Variants in SCFD2 observed in about 807,000 individuals in gnomAD.
SCFD2 encodes sec1 family domain containing 2, also known as sec1 family domain-containing protein 2.
SCFD2 carries 54 observed loss-of-function variants against 58.9 expected under a neutral mutation model. The observed-to-expected ratio is 0.92, with a 90% CI of 0.74 to 1.15. The LOEUF (loss-of-function observed/expected upper bound fraction) is 1.15. Among genes scored for constraint, SCFD2 ranks in the 50% most tolerant of loss-of-function variants. The pLI is 0.00. For synonymous variants in SCFD2, 321 were observed against 335.9 expected, an observed-to-expected ratio of 0.96 and a Z score of 0.49; for missense variants, 805 against 836.6, an observed-to-expected ratio of 0.96 and a Z score of 0.47.
At chr4:53,230,989 A>G (rs1190151614) in intron 4 of SCFD2, among the ~76,000 whole-genome samples, 1 of 152,050 alleles carries the variant, frequency 6.6e-6, no homozygotes, top group Non-Finnish European at 1.5e-5. Context: ...ACAAATAAAT[A>G]AGTTATAAAA....
intron 2 of SCFD2, among the ~76,000 whole-genome samples, chr4:53,319,168 A>G (rs1251995869): frequency 6.6e-6 from 1 of 152,252 alleles, no homozygotes; most frequent in Non-Finnish European, 1.5e-5. Context: ...CACAAAGGAC[A>G]GGATGGAATG....
At chr4:52,876,096 C>T (rs571263702) in intron 8 of SCFD2, among the ~76,000 whole-genome samples, 54 of 151,818 alleles carry the variant, frequency 3.6e-4, no homozygotes, top group Non-Finnish European at 7.4e-5. Flanking sequence ...GGCTTCCAGG[C>T]GAGTGCCATC....
chr4:53,274,514 G>A (rs1731271063), intron 3 of SCFD2, among the ~76,000 whole-genome samples: 1 of 152,112 alleles, frequency 6.6e-6, no homozygotes, highest in African/African-American at 2.4e-5. Flanking sequence ...GCAGTTACAT[G>A]GAACAAAAAT....
intron 3 of SCFD2, among the ~76,000 whole-genome samples, chr4:53,313,252 G>A (rs915186879): frequency 4.6e-5 from 7 of 152,228 alleles, no homozygotes; most frequent in East Asian, 3.9e-4. Context: ...TCACTAATTC[G>A]AAAGTAATAA....
intron 4 of SCFD2, among the ~76,000 whole-genome samples, chr4:53,188,418 GGTGTGTGTGTGTGTGTGTGTGTGT>G (rs56120914): frequency 7.0e-6 from 1 of 143,458 alleles, no homozygotes; most frequent in African/African-American, 2.6e-5. Flanking sequence ...CTTCAAAACT[GGTGTGTGTGTGTGTGTGTGTGTGT>G]GTGTGTGTGT....
intron 5 of SCFD2, among the ~76,000 whole-genome samples, chr4:53,058,160 ATGT>A (rs1238968261): frequency 6.6e-6 from 1 of 152,172 alleles, no homozygotes; most frequent in Non-Finnish European, 1.5e-5. Flanking sequence ...ATCTTAAATA[ATGT>A]TAAGGCAGAG....
intron 5 of SCFD2, among the ~76,000 whole-genome samples, chr4:52,989,395 T>A (rs1721569993): frequency 1.3e-5 from 2 of 152,194 alleles, no homozygotes; most frequent in South Asian, 4.1e-4. Flanking sequence ...ATAACTTCAG[T>A]TTTGTCTCTA....
intron 5 of SCFD2, among the ~76,000 whole-genome samples, chr4:53,052,377 G>A (rs547012662): frequency 2.0e-5 from 3 of 152,260 alleles, no homozygotes; most frequent in African/African-American, 4.8e-5. Context: ...CTAAATTAGC[G>A]CAGAATCTTG....
At chr4:53,011,728 C>T (rs1189416176) in intron 5 of SCFD2, among the ~76,000 whole-genome samples, 3 of 152,230 alleles carry the variant, frequency 2.0e-5, no homozygotes, top group East Asian at 3.8e-4. Context: ...AGCTGGAAGA[C>T]ACCTCACTGT....
chr4:53,175,804 T>C (rs1414354397), intron 4 of SCFD2, among the ~76,000 whole-genome samples: 3 of 152,150 alleles, frequency 2.0e-5, no homozygotes, highest in Non-Finnish European at 4.4e-5. Context: ...TCCTCATCTA[T>C]AAAATTGGAA....
At position 53,232,886 on chromosome 4, in the gene SCFD2, GAGA is replaced by G. The variant is rs1343167872; in HGVS notation, c.1311+40937_1311+40939del. Among the ~76,000 whole-genome samples the G allele has an allele frequency of 3.3e-5, 5 of 152,160 alleles. No homozygotes were observed. The East Asian group carries it at 9.6e-4, about 29-fold the overall frequency. ...GTCCTTTAACTTCAAAGTAAAGAAT[GAGA>G]AGAACAGAGGGAGATAGCAAGGCAT... On this transcript the variant is annotated intron_variant, in intron 4 of 8. Coordinates refer to ENST00000401642, the MANE Select transcript of SCFD2 (RefSeq NM_152540.4).
intron 5 of SCFD2, among the ~76,000 whole-genome samples, chr4:52,990,512 C>T (rs1721592553): frequency 6.6e-6 from 1 of 152,088 alleles, no homozygotes; most frequent in Admixed American, 6.5e-5. Context: ...GCTTGCAAAG[C>T]CATAGGTGGA....
chr4:53,169,355 C>T (rs1727109899), intron 4 of SCFD2, among the ~76,000 whole-genome samples: 1 of 151,976 alleles, frequency 6.6e-6, no homozygotes, highest in Non-Finnish European at 1.5e-5. Flanking sequence ...GAGCGAGACT[C>T]TGACTCAAAA....
intron 5 of SCFD2, among the ~76,000 whole-genome samples, chr4:53,122,623 G>A (rs776322113): frequency 2.0e-4 from 30 of 152,226 alleles, no homozygotes; most frequent in South Asian, 1.5e-3. Context: ...TAAAGAACTC[G>A]GACTTCGACT....
chr4:52,923,161 G>C (rs561557725), intron 5 of SCFD2, among the ~76,000 whole-genome samples: 1 of 152,156 alleles, frequency 6.6e-6, no homozygotes. Flanking sequence ...CTGGTTTCCA[G>C]AAATGTCCAA....
chr4:53,317,768 A>G (rs1732908917), intron 2 of SCFD2, among the ~76,000 whole-genome samples: 1 of 152,166 alleles, frequency 6.6e-6, no homozygotes, highest in East Asian at 1.9e-4. Context: ...CTATGTCCCT[A>G]GGAGGGCTTC....
At position 53,365,680 on chromosome 4, in the gene SCFD2, T is replaced by C. The variant is rs549174648; in HGVS notation, c.262A>G (p.Ile88Val). 1 of 1,614,100 alleles carries C rather than the reference T, an allele frequency of 6.2e-7. No homozygotes were observed. Among genetic ancestry groups the C allele is most frequent in the East Asian group, 2.2e-5 (1 of 44,874 alleles). The change falls in exon 1 of 9, where the codon ATC (isoleucine) becomes GTC (valine). Residue 88 changes from isoleucine (I) to valine (V), a missense_variant. Ile to Val is a conservative substitution (Grantham distance 29). Coordinates refer to ENST00000401642, the MANE Select transcript of SCFD2 (RefSeq NM_152540.4). This position sits in a 1 kb window ranked among gnomAD's most constrained non-coding sequence, Gnocchi z 4.3. ...SCLLKGRTVEILRDIICRSHF... is the reference protein window; with the variant it reads ...SCLLKGRTVEVLRDIICRSHF... ...CTGCGGCAGATGATGTCCCGTAGGATCTCCACGGTCCGGCCTTTCAGCAGG... is the reference window on the plus strand; with the variant it reads ...CTGCGGCAGATGATGTCCCGTAGGACCTCCACGGTCCGGCCTTTCAGCAGG...
intron 5 of SCFD2, among the ~76,000 whole-genome samples, chr4:53,143,033 T>G (rs1162365340): frequency 6.6e-6 from 1 of 152,220 alleles, no homozygotes; most frequent in Non-Finnish European, 1.5e-5. Flanking sequence ...ATCTTTAATT[T>G]CTGAGTATAC....
rs532063901 is a variant in SCFD2 at position 53,301,362 on chromosome 4, A to C, written c.1135+12274T>G. Among the ~76,000 whole-genome samples, 980 of 151,746 alleles carry C rather than the reference A, an allele frequency of 6.5e-3. 11 individuals are homozygous for C. Among genetic ancestry groups the C allele is most frequent in the African/African-American group, 0.023 (927 of 40,994 alleles). On this transcript the variant is annotated intron_variant, in intron 3 of 8. Transcript: ENST00000401642. Reference sequence around the variant, plus strand: ...CTAGAAAATCTAGAAGAAATGGATAAATTCCTCAACACATACACTCTCCCA... The same window carrying C: ...CTAGAAAATCTAGAAGAAATGGATACATTCCTCAACACATACACTCTCCCA...
Sources: allele counts gnomAD v4.1 joint callset (sites outside exome capture counted in the v4.1 genomes callset), GRCh38; gene constraint gnomAD v4.1.1; non-coding constraint Gnocchi (gnomAD v3.1); transcripts MANE v1.5; gene names NCBI Gene and HGNC (gene_info 2026-07-23, HGNC 2026-07-21).